ACAP2: variants seen among roughly 807,000 people sequenced by gnomAD.
ACAP2 encodes ArfGAP with coiled-coil, ankyrin repeat and PH domains 2, also known as arf-GAP with coiled-coil, ANK repeat and PH domain-containing protein 2.
A neutral mutation model predicts 115.8 loss-of-function variants in ACAP2; 39 were observed. That is an observed-to-expected ratio of 0.34 (90% CI 0.26 to 0.44). ACAP2 has a LOEUF of 0.44. Ranked by LOEUF, ACAP2 falls within the 20% of genes least tolerant of loss-of-function variation. ACAP2 has a pLI of 1.00. For missense variants in ACAP2, 662 were observed against 927.6 expected, an observed-to-expected ratio of 0.71 and a Z score of 3.72; for synonymous variants, 289 against 315.8, an observed-to-expected ratio of 0.92 and a Z score of 0.90.
rs1713953512 is a variant in ACAP2, at chr3:195,418,958, A to T, written c.53+23837T>A. 3.3e-5 allele frequency among the ~76,000 whole-genome samples: 5 copies of T among 152,170 alleles called. No individual in the cohort carries two copies. In the South Asian group the frequency reaches 1.0e-3, roughly 32 times the overall value. On this transcript the variant is annotated intron_variant, in intron 1 of 22. Coordinates refer to ENST00000326793, the MANE Select transcript of ACAP2 (RefSeq NM_012287.6). ...ATTGAGACACTATATAATAACATGGAGATGCTTGCAAGAGACTGTATTGTT... is the reference window on the plus strand; with the variant it reads ...ATTGAGACACTATATAATAACATGGTGATGCTTGCAAGAGACTGTATTGTT...
chr3:195,340,284 G>A (rs12492552), intron 6 of ACAP2, among the ~76,000 whole-genome samples: 3,232 of 151,010 alleles, frequency 0.021, 112 homozygotes, highest in East Asian at 0.1. Context: ...CTCTCATTTC[G>A]AACTTCTATG....
At chr3:195,432,470 G>A (rs1372515337) in intron 1 of ACAP2, among the ~76,000 whole-genome samples, 3 of 152,138 alleles carry the variant, frequency 2.0e-5, no homozygotes, top group Non-Finnish European at 2.9e-5. Context: ...GAATTGTCTG[G>A]GTACCTCTGT....
intron 15 of ACAP2, 27 bp from the exon 16 acceptor site, chr3:195,297,308 T>C (rs1727718092): frequency 6.3e-7 from 1 of 1,590,800 alleles, no homozygotes; most frequent in African/African-American, 1.4e-5. Flanking sequence ...AATAGAAAAA[T>C]AAGCTATACA....
intron 8 of ACAP2, among the ~76,000 whole-genome samples, chr3:195,328,483 CT>C (rs1729949618): frequency 6.6e-6 from 1 of 152,086 alleles, no homozygotes; most frequent in African/African-American, 2.4e-5. Flanking sequence ...CAGGTGGCAA[CT>C]ATGCTACTCT....
chr3:195,367,632 C>A (rs1321271732), intron 4 of ACAP2, among the ~76,000 whole-genome samples: 1 of 152,172 alleles, frequency 6.6e-6, no homozygotes. Context: ...CAAAAGAATG[C>A]AGAAGTGATG....
At chr3:195,409,242 T>A (rs1713050044) in intron 1 of ACAP2, among the ~76,000 whole-genome samples, 1 of 152,168 alleles carries the variant, frequency 6.6e-6, no homozygotes, top group Admixed American at 6.5e-5. Context: ...TTCCTCAAAG[T>A]AGCAGGATAT....
intron 5 of ACAP2, among the ~76,000 whole-genome samples, chr3:195,343,853 T>G (rs1731028941): frequency 6.6e-6 from 1 of 152,200 alleles, no homozygotes; most frequent in African/African-American, 2.4e-5. Flanking sequence ...GACATTCAAC[T>G]CCTTGAAAGA....
intron 8 of ACAP2, among the ~76,000 whole-genome samples, chr3:195,331,600 A>C (rs62287106): frequency 0.24 from 36,048 of 151,856 alleles, 5,000 homozygotes; most frequent in East Asian, 0.71. Context: ...GGCATGAGCC[A>C]CCATGCCTGG....
intron 2 of ACAP2, among the ~76,000 whole-genome samples, chr3:195,386,436 T>A (rs1469413290): frequency 6.6e-6 from 1 of 152,172 alleles, no homozygotes; most frequent in Middle Eastern, 3.2e-3. Flanking sequence ...TACATTGAAG[T>A]GTATTTAAAA....
intron 4 of ACAP2, among the ~76,000 whole-genome samples, chr3:195,368,776 T>C (rs1223330922): frequency 1.3e-5 from 2 of 152,116 alleles, no homozygotes; most frequent in Admixed American, 1.3e-4. Flanking sequence ...CTCCTAACCA[T>C]AAAAATCATT....
chr3:195,428,347 T>TAC (rs75326647), intron 1 of ACAP2, among the ~76,000 whole-genome samples: 38 of 145,554 alleles, frequency 2.6e-4, no homozygotes, highest in Non-Finnish European at 5.3e-4. Context: ...TATATATATA[T>TAC]ACACACACAC....
intron 21 of ACAP2, among the ~76,000 whole-genome samples, chr3:195,287,282 TTGATC>T (rs1329785592): frequency 6.6e-6 from 1 of 152,216 alleles, no homozygotes; most frequent in African/African-American, 2.4e-5. Context: ...ATAAACTACT[TTGATC>T]TGAGATGTAA....
chr3:195,288,079 A>G (rs1488000002), intron 21 of ACAP2, among the ~76,000 whole-genome samples: 1 of 152,002 alleles, frequency 6.6e-6, no homozygotes, highest in Non-Finnish European at 1.5e-5. Flanking sequence ...AGCCTGGGCA[A>G]CAAGAGCAAA....
Position 195,300,581 on chromosome 3 carries a change from A to G in ACAP2, c.1395+994T>C, listed in dbSNP as rs189842060. The stretch of plus-strand genomic sequence containing the variant: ...GGTATGATGACTCCTAACCTGACAA[A>G]TATAAATTTGCAAATCATCGTATGC... On this transcript the variant is annotated intron_variant, in intron 15 of 22. Transcript: ENST00000326793. Among the ~76,000 whole-genome samples the G allele has an allele frequency of 5.9e-5, 9 of 152,334 alleles. No individual in the cohort carries two copies. The East Asian group carries it at 1.7e-3, about 29-fold the overall frequency.
chr3:195,437,885 C>G (rs796352617), intron 1 of ACAP2, among the ~76,000 whole-genome samples: 1 of 90,746 alleles, frequency 1.1e-5, no homozygotes, highest in African/African-American at 4.3e-5. Context: ...ACTTTACATG[C>G]TTTTTTTTTT....
chr3:195,382,580 T>C (rs1734021010), intron 2 of ACAP2, among the ~76,000 whole-genome samples: 1 of 151,962 alleles, frequency 6.6e-6, no homozygotes, highest in African/African-American at 2.4e-5. Context: ...TTTACCAAAA[T>C]CTTGGGTAAA....
At chr3:195,374,566 G>C (rs1733385659) in intron 4 of ACAP2, among the ~76,000 whole-genome samples, 1 of 152,168 alleles carries the variant, frequency 6.6e-6, no homozygotes, top group Non-Finnish European at 1.5e-5. Context: ...TAGGGGAAAA[G>C]GGCAACAAAT....
At chr3:195,347,584 T>C (rs533030825) in intron 4 of ACAP2, among the ~76,000 whole-genome samples, 3 of 152,158 alleles carry the variant, frequency 2.0e-5, no homozygotes, top group African/African-American at 7.2e-5. Context: ...ATGGGAGAAC[T>C]TTCTGGATAA....
At chr3:195,387,267 C>A (rs1734367183) in intron 2 of ACAP2, among the ~76,000 whole-genome samples, 1 of 152,150 alleles carries the variant, frequency 6.6e-6, no homozygotes, top group Admixed American at 6.5e-5. Flanking sequence ...TCAAGTCCAT[C>A]TAAATTATCA....
Sources: gnomAD v4.1 joint callset for allele counts (sites outside exome capture counted in the v4.1 genomes callset) on GRCh38, gnomAD v4.1.1 for gene constraint, MANE v1.5 for transcripts, NCBI Gene and HGNC (gene_info 2026-07-23, HGNC 2026-07-21) for gene names.